The following TENM3 variants were observed in gnomAD, a reference collection of about 807,000 sequenced individuals.
TENM3 encodes the protein teneurin transmembrane protein 3, also known as teneurin-3.
Under a neutral mutation model 255.1 loss-of-function variants are expected in TENM3, and 63 were observed. The ratio of observed to expected loss-of-function variants is 0.25; its 90% CI spans 0.20 to 0.30. TENM3 has a LOEUF of 0.30. Among genes scored for constraint, TENM3 ranks in the 10% least tolerant of loss-of-function variants. TENM3 has a pLI of 1.00. For missense variants in TENM3, 2,929 were observed against 3,461.1 expected, an observed-to-expected ratio of 0.85 and a Z score of 3.86; for synonymous variants, 1,306 against 1,322.3, an observed-to-expected ratio of 0.99 and a Z score of 0.27.
chr4:181,510,120 A>G, the TENM3 span, among the ~76,000 whole-genome samples: 2 of 152,236 alleles, frequency 1.3e-5, no homozygotes, highest in Non-Finnish European at 2.9e-5. Context: ...AATGCTTATT[A>G]CATAAAATGG....
At chr4:182,064,157 T>G in the TENM3 span, among the ~76,000 whole-genome samples, 1 of 147,594 alleles carries the variant, frequency 6.8e-6, no homozygotes, top group African/African-American at 2.5e-5. Context: ...AATGAGATAA[T>G]GCATGGAAAG....
chr4:182,051,350 A>C, the TENM3 span, among the ~76,000 whole-genome samples: 2 of 150,774 alleles, frequency 1.3e-5, no homozygotes, highest in Non-Finnish European at 3.0e-5. Context: ...TCTCAAAAAA[A>C]AAAAGCAAAT....
chr4:181,537,917 G>A, the TENM3 span, among the ~76,000 whole-genome samples: 3 of 152,276 alleles, frequency 2.0e-5, no homozygotes, highest in African/African-American at 4.8e-5. Flanking sequence ...ATGTAAAACT[G>A]CTTGAAATAT....
chr4:182,263,039 G>A (rs560853468), intron 1 of TENM3, among the ~76,000 whole-genome samples: 21 of 152,024 alleles, frequency 1.4e-4, no homozygotes, highest in Admixed American at 5.2e-4. Context: ...TCTTTCTTGC[G>A]CGAGATCCAG....
the TENM3 span, among the ~76,000 whole-genome samples, chr4:181,618,257 C>T: frequency 2.0e-5 from 3 of 152,128 alleles, no homozygotes; most frequent in Non-Finnish European, 4.4e-5. Flanking sequence ...AGTTTCAGTC[C>T]TCTCATCACT....
the TENM3 span, among the ~76,000 whole-genome samples, chr4:182,089,416 T>C: frequency 1.3e-5 from 2 of 152,252 alleles, no homozygotes; most frequent in African/African-American, 4.8e-5. Context: ...TTGAAATGGG[T>C]ATGCCCCAAC....
At chr4:182,057,569 C>A in the TENM3 span, among the ~76,000 whole-genome samples, 1 of 151,670 alleles carries the variant, frequency 6.6e-6, no homozygotes, top group Non-Finnish European at 1.5e-5. Context: ...ACCACCATGC[C>A]CAGCTAATTT....
At chr4:181,472,968 T>C in the TENM3 span, among the ~76,000 whole-genome samples, 7 of 152,160 alleles carry the variant, frequency 4.6e-5, no homozygotes, top group African/African-American at 1.7e-4. Flanking sequence ...GTAGAGATAG[T>C]TTTGGATTTG....
At chr4:181,767,796 C>G in the TENM3 span, among the ~76,000 whole-genome samples, 19 of 152,078 alleles carry the variant, frequency 1.2e-4, no homozygotes, top group Admixed American at 1.2e-3. Flanking sequence ...AACTGCTTAT[C>G]TTCAAGGCAT....
intron 24 of TENM3, among the ~76,000 whole-genome samples, chr4:182,775,536 C>G (rs1764622811): frequency 6.6e-6 from 1 of 152,226 alleles, no homozygotes; most frequent in African/African-American, 2.4e-5. Flanking sequence ...CTGCCGCCAC[C>G]TGCATCCCCG....
chr4:182,764,454 C>T (rs1031606582), intron 22 of TENM3, among the ~76,000 whole-genome samples: 2 of 151,998 alleles, frequency 1.3e-5, no homozygotes, highest in African/African-American at 2.4e-5. Flanking sequence ...TTCGACAGGC[C>T]GTGGAGGTAC....
the TENM3 span, among the ~76,000 whole-genome samples, chr4:181,642,912 G>A: frequency 6.6e-6 from 1 of 152,112 alleles, no homozygotes; most frequent in African/African-American, 2.4e-5. Context: ...CTGTAGCCTT[G>A]TAGTATACTT....
intron 9 of TENM3, 54 bp from the exon 10 acceptor site, chr4:182,680,489 G>A (rs762936177): frequency 6.0e-5 from 96 of 1,593,730 alleles, no homozygotes; most frequent in African/African-American, 9.4e-5. Context: ...CTTTTCTTTC[G>A]GAAGCTCGGT....
the TENM3 span, among the ~76,000 whole-genome samples, chr4:181,605,551 AAAG>A: frequency 1.6e-3 from 44 of 27,368 alleles, 4 homozygotes; most frequent in African/African-American, 3.1e-3. Context: ...AGAAAGAAAG[AAAG>A]AAAGAAAGAA....
At chr4:182,299,776 G>C (rs1345818307) in intron 1 of TENM3, among the ~76,000 whole-genome samples, 1 of 152,128 alleles carries the variant, frequency 6.6e-6, no homozygotes, top group African/African-American at 2.4e-5. Flanking sequence ...CCAAGGACGG[G>C]GGGAGGGAGG....
chr4:181,854,702 T>A, the TENM3 span, among the ~76,000 whole-genome samples: 4 of 152,202 alleles, frequency 2.6e-5, no homozygotes, highest in Non-Finnish European at 5.9e-5. Flanking sequence ...TAATTTTAGG[T>A]CAGTAGGGCC....
intron 12 of TENM3, among the ~76,000 whole-genome samples, chr4:182,691,557 T>C (rs546702904): frequency 6.6e-6 from 1 of 152,294 alleles, no homozygotes; most frequent in East Asian, 1.9e-4. Context: ...CCTGAAAGGG[T>C]TCTATTCTGA....
At chr4:182,757,523 A>G (rs1762832886) in intron 22 of TENM3, among the ~76,000 whole-genome samples, 1 of 152,164 alleles carries the variant, frequency 6.6e-6, no homozygotes, top group Non-Finnish European at 1.5e-5. Flanking sequence ...TGAACTTCCT[A>G]CAGCAGATAC....
chr4:181,528,024 A>G, the TENM3 span, among the ~76,000 whole-genome samples: 1 of 152,142 alleles, frequency 6.6e-6, no homozygotes, highest in Non-Finnish European at 1.5e-5. Context: ...AGGGGGGGTT[A>G]AAGGAGGATA....
Sources: allele counts gnomAD v4.1 joint callset (sites outside exome capture counted in the v4.1 genomes callset), GRCh38; gene constraint gnomAD v4.1.1; transcripts MANE v1.5; gene names NCBI Gene and HGNC (gene_info 2026-07-23, HGNC 2026-07-21).